TOGARAM2: variants seen among roughly 807,000 people sequenced by gnomAD.
The protein encoded by TOGARAM2 is TOG array regulator of axonemal microtubules 2.
In TOGARAM2, 85 loss-of-function variants were observed where a neutral mutation model predicts 93.3. That is an observed-to-expected ratio of 0.91 (90% CI 0.76 to 1.09). TOGARAM2 has a LOEUF of 1.09. Ranked by LOEUF, TOGARAM2 falls within the 50% of genes least tolerant of loss-of-function variation. The pLI, the probability that TOGARAM2 is intolerant of heterozygous loss-of-function variation, is 0.00. For synonymous variants in TOGARAM2, 593 were observed against 552.8 expected (o/e 1.07, Z -1.02); for missense variants, 1,277 against 1,334.5 (o/e 0.96, Z 0.67).
chr2:28,972,240 C>T (rs1300565497), intron 1 of TOGARAM2, among the ~76,000 whole-genome samples: 1 of 152,152 alleles, frequency 6.6e-6, no homozygotes, highest in Non-Finnish European at 1.5e-5. Context: ...AGGCACGTGC[C>T]AGCACGCGTG....
intron 18 of TOGARAM2, among the ~76,000 whole-genome samples, chr2:29,037,178 A>G (rs1016659943): frequency 6.6e-6 from 1 of 152,100 alleles, no homozygotes. Flanking sequence ...GGTGGGAGCT[A>G]TGGAAGAGCC....
chr2:28,960,795 G>C (rs1357753180), intron 1 of TOGARAM2, among the ~76,000 whole-genome samples: 1 of 152,218 alleles, frequency 6.6e-6, no homozygotes, highest in Non-Finnish European at 1.5e-5. Flanking sequence ...CAGGTGGCCA[G>C]TGAGCACCTA....
chr2:29,034,543 G>T (rs1665966655), intron 16 of TOGARAM2, among the ~76,000 whole-genome samples: 1 of 152,236 alleles, frequency 6.6e-6, no homozygotes, highest in African/African-American at 2.4e-5. Flanking sequence ...TGGAATGCAG[G>T]AGTGAATCAC....
At chr2:28,989,829 A>G (rs1402950428) in intron 1 of TOGARAM2, among the ~76,000 whole-genome samples, 1 of 152,260 alleles carries the variant, frequency 6.6e-6, no homozygotes, top group Non-Finnish European at 1.5e-5. Flanking sequence ...CTTTGCAGTT[A>G]AAAGAGCTGG....
chr2:29,023,120 C>G lies in TOGARAM2; in HGVS notation c.1546C>G (p.Arg516Gly), dbSNP rs757010667. 4.4e-6 allele frequency: 7 copies of G among 1,600,818 alleles called. No individual in the cohort carries two copies. Among genetic ancestry groups the G allele is most frequent in the East Asian group, 4.5e-5 (2 of 44,408 alleles). ...GGAGAAGGGTCTGGTGAGCATCCAGCGCTTGGCAGCCTGTCACTCAGAGGT... is the reference window on the plus strand; with the variant it reads ...GGAGAAGGGTCTGGTGAGCATCCAGGGCTTGGCAGCCTGTCACTCAGAGGT... ...MKEKGLVSIQ[R>G]LAACHSEVLT... The change falls in exon 12 of 20, where the codon CGC (arginine) becomes GGC (glycine). Residue 516 changes from arginine (R) to glycine (G), a missense_variant. Physicochemically the swap from Arg to Gly is moderately radical, Grantham distance 125 (BLOSUM62 -2). Transcript: ENST00000379558.
At chr2:28,964,630 TC>T (rs1461646424) in intron 1 of TOGARAM2, among the ~76,000 whole-genome samples, 1 of 151,774 alleles carries the variant, frequency 6.6e-6, no homozygotes, top group Non-Finnish European at 1.5e-5. Flanking sequence ...CCTAAAGCTC[TC>T]CCTCCCCCCA....
chr2:29,005,853 T>TGTGCATATGTGTCAGTGCATGTTGTGA, intron 6 of TOGARAM2, among the ~76,000 whole-genome samples: 1 of 150,532 alleles, frequency 6.6e-6, no homozygotes, highest in South Asian at 2.1e-4. Flanking sequence ...AGTGCATGTG[T>TGTGCATATGTGTCAGTGCATGTTGTGA]GTGCATATGT....
At chr2:29,022,106 C>A in intron 10 of TOGARAM2, 52 bp from the exon 11 acceptor site, 1 of 1,611,094 alleles carries the variant, frequency 6.2e-7, no homozygotes, top group Middle Eastern at 1.8e-4. Context: ...GCCACTCGGG[C>A]TCTTGCCTGT....
intron 1 of TOGARAM2, among the ~76,000 whole-genome samples, chr2:28,960,473 A>G (rs978449547): frequency 3.9e-5 from 6 of 152,260 alleles, no homozygotes; most frequent in Admixed American, 3.9e-4. Flanking sequence ...TTTTCAAATC[A>G]GGATCCAATC....
At chr2:29,045,753 C>A in intron 19 of TOGARAM2, 1 of 290,820 alleles carries the variant, frequency 3.4e-6, no homozygotes, top group South Asian at 3.6e-5. Flanking sequence ...GGGGCATTTC[C>A]GATTTCAGAT....
Position 29,025,978 on chromosome 2 carries a change from C to A in TOGARAM2, c.1854-875C>A, listed in dbSNP as rs573038824. Among the ~76,000 whole-genome samples the A allele has an allele frequency of 3.9e-5, 6 of 152,204 alleles. No homozygotes were observed. In the South Asian group the frequency reaches 6.2e-4, roughly 16 times the overall value. Reference sequence around the variant, plus strand: ...GTAGGGAAGCACCAGGGGCCTGGGGCGGAGAAGGCAACCAGCCAGCCCCGA... The same window carrying A: ...GTAGGGAAGCACCAGGGGCCTGGGGAGGAGAAGGCAACCAGCCAGCCCCGA... On this transcript the variant is annotated intron_variant, in intron 13 of 19. Coordinates refer to ENST00000379558, the MANE Select transcript of TOGARAM2 (RefSeq NM_199280.4).
intron 1 of TOGARAM2, among the ~76,000 whole-genome samples, chr2:28,994,453 G>A (rs1283950273): frequency 3.9e-5 from 6 of 152,072 alleles, no homozygotes; most frequent in East Asian, 1.9e-4. Context: ...CTTTCCCCGC[G>A]ACCCTAAAGG....
intron 9 of TOGARAM2, 97 bp downstream of exon 9, chr2:29,017,401 T>G: frequency 1.3e-4 from 150 of 1,140,982 alleles, no homozygotes; most frequent in Middle Eastern, 3.2e-4. Flanking sequence ...TTAAAATTTT[T>G]ATTAGTATTT....
rs375236887 is a variant in TOGARAM2, at chr2:29,036,471, G to C, written c.2419-70G>C. 4.0e-4 allele frequency: 599 copies of C among 1,498,136 alleles called. 1 individual carries two copies. The African/African-American group carries it at 6.3e-3, about 16-fold the overall frequency. The allele number at this position is 1,498,136 out of a possible 1,614,324, so 92.8% of individuals were successfully genotyped here. On this transcript the variant is annotated intron_variant, in intron 17 of 19. Transcript: ENST00000379558. ...CTCAGTTGGGCCAGGTGAGCTCCAA[G>C]CTGCCTGCACTGTGGGAGTCCTGCC...
intron 14 of TOGARAM2, among the ~76,000 whole-genome samples, chr2:29,028,431 C>T (rs1403296639): frequency 6.6e-6 from 1 of 152,170 alleles, no homozygotes; most frequent in Non-Finnish European, 1.5e-5. Flanking sequence ...CTCCAGCAGC[C>T]CCGCCCTGCC....
At chr2:29,017,668 C>G in intron 9 of TOGARAM2, 124 bp from the exon 10 acceptor site, 8 of 968,412 alleles carry the variant, frequency 8.3e-6, no homozygotes, top group South Asian at 2.0e-5. Context: ...ACCTCGGACT[C>G]CCAACATGTT....
At chr2:28,995,016 T>G (rs948613460) in intron 2 of TOGARAM2, among the ~76,000 whole-genome samples, 154 bp downstream of exon 2, 8 of 152,138 alleles carry the variant, frequency 5.3e-5, no homozygotes, top group African/African-American at 1.9e-4. Context: ...CCTGGCCAGC[T>G]CCCCACATGC....
At chr2:29,028,377 G>A (rs1332639080) in intron 14 of TOGARAM2, among the ~76,000 whole-genome samples, 1 of 152,132 alleles carries the variant, frequency 6.6e-6, no homozygotes, top group African/African-American at 2.4e-5. Flanking sequence ...GCACCTCCTC[G>A]GACGTGCCCA....
Position 29,035,625 on chromosome 2 carries a change from A to T in TOGARAM2, c.2387A>T (p.Lys796Met). The change falls in exon 17 of 20, where the codon AAG becomes ATG. Residue 796 changes from lysine (K) to methionine (M), a missense_variant. By Grantham distance (95) the Lys-to-Met change is moderately conservative. Coordinates refer to ENST00000379558, the MANE Select transcript of TOGARAM2 (RefSeq NM_199280.4). ...VGQLLELCKA[K>M]TELVTAHLVQ... ...CAGCTCCTGGAGCTCTGCAAGGCCA[A>T]GACGGAGCTTGTCACTGCCCACCTG... The T allele has an allele frequency of 6.5e-7, 1 of 1,539,048 alleles. No individual in the cohort carries two copies. The highest frequency in any genetic ancestry group is 8.8e-7 in the Non-Finnish European group (1 of 1,142,434).
Sources: allele counts gnomAD v4.1 joint callset (sites outside exome capture counted in the v4.1 genomes callset), GRCh38; gene constraint gnomAD v4.1.1; transcripts MANE v1.5; gene names NCBI Gene and HGNC (gene_info 2026-07-23, HGNC 2026-07-21).